MYPN: variants seen among roughly 807,000 people sequenced by gnomAD.
MYPN encodes myopalladin.
In MYPN, 63 loss-of-function variants were observed where a neutral mutation model predicts 129.4. The observed-to-expected ratio is 0.49, with a 90% CI of 0.40 to 0.60. The LOEUF (loss-of-function observed/expected upper bound fraction) is 0.60. Ranked by LOEUF, MYPN falls within the 20% of genes least tolerant of loss-of-function variation. The pLI is 0.00. For synonymous variants in MYPN, 629 were observed against 600.9 expected (o/e 1.05, Z -0.68); for missense variants, 1,596 against 1,635.4 (o/e 0.98, Z 0.42).
intron 4 of MYPN, among the ~76,000 whole-genome samples, chr10:68,146,994 G>C (rs1174710840): frequency 6.6e-6 from 1 of 152,118 alleles, no homozygotes; most frequent in Non-Finnish European, 1.5e-5. Flanking sequence ...CCTGGTTAGG[G>C]AAAACATCCA....
At chr10:68,166,217 C>T in intron 9 of MYPN, 77 bp from the exon 10 acceptor site, 1 of 1,561,602 alleles carries the variant, frequency 6.4e-7, no homozygotes, top group Non-Finnish European at 8.8e-7. Flanking sequence ...CTGGTGTGAA[C>T]ACTTTCCCAT....
chr10:68,209,259 C>T (rs2043866642), intron 19 of MYPN, among the ~76,000 whole-genome samples: 1 of 152,312 alleles, frequency 6.6e-6, no homozygotes, highest in African/African-American at 2.4e-5. Flanking sequence ...GGACAGATAG[C>T]TCGCTCAGGC....
At chr10:68,133,320 C>T (rs966495470) in intron 2 of MYPN, among the ~76,000 whole-genome samples, 1 of 151,966 alleles carries the variant, frequency 6.6e-6, no homozygotes, top group Non-Finnish European at 1.5e-5. Flanking sequence ...CCACCATGCC[C>T]GGCCTATAGA....
In MYPN at chr10:68,211,014, G is replaced by C. The variant is rs1252520939; in HGVS notation, c.*559G>C. On this transcript the variant is annotated 3_prime_UTR_variant, in exon 20 of 20. Coordinates refer to ENST00000358913, the MANE Select transcript of MYPN (RefSeq NM_032578.4). ...GTATGCGGGCAAACACTTTTGATTT[G>C]CATATCCTGGGTGTACTGAGCCACA... 2 of 454,076 alleles carry C rather than the reference G, an allele frequency of 4.4e-6. No homozygotes were observed. The highest frequency in any genetic ancestry group is 1.4e-4 in the East Asian group (2 of 14,394). The allele number at this position is 454,076 out of a possible 1,614,324, so 28.1% of individuals were successfully genotyped here. A position where few individuals can be genotyped will look rare whatever the true frequency, so the allele number is the denominator to read the frequency against.
intron 18 of MYPN, among the ~76,000 whole-genome samples, chr10:68,203,630 G>C (rs2134319838): frequency 6.6e-6 from 1 of 151,898 alleles, no homozygotes; most frequent in East Asian, 1.9e-4. Context: ...TAAACTCATA[G>C]TGATTAGCTT....
intron 13 of MYPN, among the ~76,000 whole-genome samples, chr10:68,192,711 C>CT (rs11418678): frequency 1 from 152,240 of 152,240 alleles, 76,120 homozygotes; most frequent in Non-Finnish European, 1. Flanking sequence ...GTCTGGTCTG[C>CT]TAGTTTTCTA....
At chr10:68,182,071 C>T (rs1293654191) in intron 12 of MYPN, among the ~76,000 whole-genome samples, 1 of 151,678 alleles carries the variant, frequency 6.6e-6, no homozygotes, top group Non-Finnish European at 1.5e-5. Flanking sequence ...TCCTTAAGCA[C>T]CTGCTTTGAA....
intron 5 of MYPN, among the ~76,000 whole-genome samples, chr10:68,149,352 G>A (rs2042726267): frequency 1.3e-5 from 2 of 152,190 alleles, no homozygotes; most frequent in South Asian, 2.1e-4. Flanking sequence ...TATGCATATA[G>A]AAGAATACAT....
intron 16 of MYPN, 112 bp downstream of exon 16, chr10:68,197,590 T>C (rs2043632048): frequency 3.7e-6 from 5 of 1,345,288 alleles, no homozygotes; most frequent in Non-Finnish European, 5.2e-6. Context: ...AAAGATGAGA[T>C]GGGGAAGGGA....
chr10:68,156,691 C>A (rs1353666484), intron 6 of MYPN, among the ~76,000 whole-genome samples: 1 of 152,098 alleles, frequency 6.6e-6, no homozygotes, highest in African/African-American at 2.4e-5. Context: ...TACGATAGGA[C>A]CAAGTACAGA....
chr10:68,145,026 TC>T (rs2042638415), intron 3 of MYPN, among the ~76,000 whole-genome samples: 1 of 151,174 alleles, frequency 6.6e-6, no homozygotes, highest in Non-Finnish European at 1.5e-5. Flanking sequence ...TGAGTTCATT[TC>T]TTTTTTTTTT....
At chr10:68,130,978 A>G (rs2134023891) in intron 2 of MYPN, among the ~76,000 whole-genome samples, 1 of 152,294 alleles carries the variant, frequency 6.6e-6, no homozygotes. Context: ...TGATTTATTT[A>G]TCTCGCTATA....
At chr10:68,092,521 T>A (rs1429189406) in intron 1 of MYPN, among the ~76,000 whole-genome samples, 1 of 151,884 alleles carries the variant, frequency 6.6e-6, no homozygotes, top group Non-Finnish European at 1.5e-5. Flanking sequence ...GAAATGTATG[T>A]TGTTTCCAGT....
chr10:68,145,015 A>G (rs1279961125), intron 3 of MYPN, among the ~76,000 whole-genome samples: 2 of 151,594 alleles, frequency 1.3e-5, no homozygotes, highest in African/African-American at 4.9e-5. Flanking sequence ...TAGTGAATCA[A>G]TGAGTTCATT....
At chr10:68,196,276 C>T (rs2043602698) in intron 15 of MYPN, among the ~76,000 whole-genome samples, 1 of 152,182 alleles carries the variant, frequency 6.6e-6, no homozygotes, top group Non-Finnish European at 1.5e-5. Context: ...AATACAACAA[C>T]TGGTTTTCTT....
upstream of MYPN, chr10:68,106,889 CAT>C (rs946833210): frequency 2.0e-4 from 140 of 701,988 alleles, no homozygotes; most frequent in African/African-American, 2.1e-3. Context: ...ACAAGAAACA[CAT>C]GTGTTGGATG....
chr10:68,136,578 C>T (rs1033228322), intron 2 of MYPN: 24 of 1,488,660 alleles, frequency 1.6e-5, no homozygotes, highest in Admixed American at 9.1e-5. Context: ...GTCAGAGTGA[C>T]GGTTACCGAT....
intron 8 of MYPN, among the ~76,000 whole-genome samples, chr10:68,164,783 G>A (rs2043028912): frequency 6.6e-6 from 1 of 152,180 alleles, no homozygotes; most frequent in Non-Finnish European, 1.5e-5. Context: ...CGTTCACAGT[G>A]TATCAGAGTA....
At chr10:68,137,174 T>C (rs370132821) in intron 2 of MYPN, among the ~76,000 whole-genome samples, 231 of 152,324 alleles carry the variant, frequency 1.5e-3, no homozygotes, top group African/African-American at 4.6e-3. Context: ...AAAAAAACCA[T>C]TTAGTGAGAA....
Sources: allele counts gnomAD v4.1 joint callset (sites outside exome capture counted in the v4.1 genomes callset), GRCh38; gene constraint gnomAD v4.1.1; transcripts MANE v1.5; gene names NCBI Gene and HGNC (gene_info 2026-07-23, HGNC 2026-07-21).